MAML3: variants seen among roughly 807,000 people sequenced by gnomAD.
MAML3 encodes the protein mastermind-like protein 3.
MAML3 carries 27 observed loss-of-function variants against 101.9 expected under a neutral mutation model. The ratio of observed to expected loss-of-function variants is 0.27; its 90% CI spans 0.20 to 0.37. The LOEUF (loss-of-function observed/expected upper bound fraction) is 0.37. Ranked by LOEUF, MAML3 falls within the 10% of genes least tolerant of loss-of-function variation. The pLI, the probability that MAML3 is intolerant of heterozygous loss-of-function variation, is 1.00. For missense variants in MAML3, 1,316 were observed against 1,444.9 expected (o/e 0.91, Z 1.45); for synonymous variants, 501 against 555.9 (o/e 0.90, Z 1.39).
At chr4:139,814,612 T>C (rs1730863377) in intron 2 of MAML3, among the ~76,000 whole-genome samples, 1 of 152,168 alleles carries the variant, frequency 6.6e-6, no homozygotes, top group African/African-American at 2.4e-5. Context: ...TGTAATGAAC[T>C]GTGTGGTTCA....
chr4:139,919,996 G>T (rs1024534451), intron 1 of MAML3, among the ~76,000 whole-genome samples: 2 of 152,146 alleles, frequency 1.3e-5, no homozygotes, highest in African/African-American at 4.8e-5. Context: ...AAAAAGCCTT[G>T]TTAAATTTGT....
chr4:139,818,501 A>T (rs1213648446), intron 2 of MAML3, among the ~76,000 whole-genome samples: 1 of 152,236 alleles, frequency 6.6e-6, no homozygotes, highest in Non-Finnish European at 1.5e-5. Context: ...AGGTCATATC[A>T]CAATTCCTTC....
At chr4:139,857,292 A>G (rs1192182561) in intron 2 of MAML3, among the ~76,000 whole-genome samples, 1 of 152,158 alleles carries the variant, frequency 6.6e-6, no homozygotes, top group Admixed American at 6.5e-5. Flanking sequence ...AGAGGGCTCA[A>G]ATACATCCGA....
At chr4:140,098,953 A>G (rs1279209760) in intron 1 of MAML3, among the ~76,000 whole-genome samples, 4 of 152,142 alleles carry the variant, frequency 2.6e-5, no homozygotes, top group Non-Finnish European at 5.9e-5. Flanking sequence ...ACTCATTTTT[A>G]CTTTTCCTCC....
At chr4:140,003,011 G>A (rs1726352791) in intron 1 of MAML3, among the ~76,000 whole-genome samples, 1 of 152,202 alleles carries the variant, frequency 6.6e-6, no homozygotes, top group South Asian at 2.1e-4. Context: ...CTAACAATTT[G>A]GATGTCCAGA....
intron 1 of MAML3, among the ~76,000 whole-genome samples, chr4:140,143,766 A>G (rs560349545): frequency 2.0e-5 from 3 of 152,258 alleles, no homozygotes; most frequent in African/African-American, 4.8e-5. Flanking sequence ...GTCTCAAAAA[A>G]AGACAACCGT....
At chr4:140,026,991 TAATTAAAAACTA>T (rs1560870639) in intron 1 of MAML3, among the ~76,000 whole-genome samples, 1 of 151,354 alleles carries the variant, frequency 6.6e-6, no homozygotes, top group Non-Finnish European at 1.5e-5. Flanking sequence ...CCTTAGATCA[TAATTAAAAACTA>T]AATTAAAAAC....
chr4:139,801,092 G>A (rs1243267074), intron 2 of MAML3, among the ~76,000 whole-genome samples: 1 of 152,206 alleles, frequency 6.6e-6, no homozygotes, highest in Non-Finnish European at 1.5e-5. Context: ...AGGCTTCTAA[G>A]AGTAGCTAGG....
At chr4:140,057,429 G>A (rs140723680) in intron 1 of MAML3, among the ~76,000 whole-genome samples, 1 of 152,050 alleles carries the variant, frequency 6.6e-6, no homozygotes, top group Non-Finnish European at 1.5e-5. Context: ...CAGCCCCTTG[G>A]TCAGCAAAAG....
chr4:139,912,334 G>T (rs912426334), intron 1 of MAML3, among the ~76,000 whole-genome samples: 31 of 152,160 alleles, frequency 2.0e-4, no homozygotes, highest in African/African-American at 7.0e-4. Context: ...TTGACACAAG[G>T]TTATCATCTC....
intron 2 of MAML3, among the ~76,000 whole-genome samples, chr4:139,791,879 A>G (rs1578603242): frequency 6.6e-6 from 1 of 152,194 alleles, no homozygotes; most frequent in Admixed American, 6.5e-5. Flanking sequence ...CATTGTTATT[A>G]TAGATGAATG....
chr4:140,076,312 A>G (rs1219810712), intron 1 of MAML3, among the ~76,000 whole-genome samples: 1 of 152,174 alleles, frequency 6.6e-6, no homozygotes, highest in Non-Finnish European at 1.5e-5. Flanking sequence ...TCTCCAATAT[A>G]TTTTTAAGTT....
At chr4:139,907,815 T>C (rs1393072149) in intron 1 of MAML3, among the ~76,000 whole-genome samples, 1 of 152,218 alleles carries the variant, frequency 6.6e-6, no homozygotes, top group Non-Finnish European at 1.5e-5. Context: ...CTTGGCTAAC[T>C]TATACAACTG....
intron 1 of MAML3, among the ~76,000 whole-genome samples, chr4:139,936,904 T>G (rs1428957651): frequency 6.6e-6 from 1 of 152,166 alleles, no homozygotes; most frequent in African/African-American, 2.4e-5. Flanking sequence ...GAAATTCATC[T>G]TGCTCAAGGG....
chr4:139,780,043 G>A (rs1730170074), intron 2 of MAML3, among the ~76,000 whole-genome samples: 2 of 152,218 alleles, frequency 1.3e-5, no homozygotes, highest in Admixed American at 6.5e-5. Context: ...AGTTCCTTAT[G>A]AAGACCATGT....
chr4:140,099,256 C>G (rs755469694), intron 1 of MAML3, among the ~76,000 whole-genome samples: 83 of 152,104 alleles, frequency 5.5e-4, no homozygotes, highest in Admixed American at 3.5e-3. Flanking sequence ...CACACACACA[C>G]ACACGTGCAC....
At chr4:139,846,482 G>C (rs1250115108) in intron 2 of MAML3, among the ~76,000 whole-genome samples, 1 of 151,998 alleles carries the variant, frequency 6.6e-6, no homozygotes, top group Non-Finnish European at 1.5e-5. Context: ...CAAGTAGCTG[G>C]GACTATAGGC....
intron 1 of MAML3, among the ~76,000 whole-genome samples, chr4:140,030,066 C>T (rs974619028): frequency 6.6e-6 from 1 of 152,094 alleles, no homozygotes; most frequent in African/African-American, 2.4e-5. Flanking sequence ...TTGTTTTTCC[C>T]CAATCACACA....
At chr4:139,962,247 C>G (rs1464857123) in intron 1 of MAML3, among the ~76,000 whole-genome samples, 2 of 152,070 alleles carry the variant, frequency 1.3e-5, no homozygotes, top group East Asian at 3.9e-4. Flanking sequence ...GTGGGCCTTT[C>G]TCAATAGGTG....
Sources: gnomAD v4.1 joint callset for allele counts (sites outside exome capture counted in the v4.1 genomes callset) on GRCh38, gnomAD v4.1.1 for gene constraint, MANE v1.5 for transcripts, NCBI Gene and HGNC (gene_info 2026-07-23, HGNC 2026-07-21) for gene names.